FAM13A: variants seen among roughly 807,000 people sequenced by gnomAD.
FAM13A encodes family with sequence similarity 13 member A, also known as protein FAM13A.
FAM13A carries 76 observed loss-of-function variants against 129.6 expected under a neutral mutation model. The observed-to-expected ratio is 0.59, with a 90% CI of 0.49 to 0.71. The LOEUF (loss-of-function observed/expected upper bound fraction) is 0.71, where lower values mean the gene tolerates loss of function less well. Ranked by LOEUF, FAM13A falls within the 30% of genes least tolerant of loss-of-function variation. The probability of loss-of-function intolerance (pLI) is 0.00; values close to 1 mark genes in which losing one functional copy is unlikely to be tolerated. For missense variants in FAM13A, 1,108 were observed against 1,249.3 expected, an observed-to-expected ratio of 0.89 and a Z score of 1.70; for synonymous variants, 443 against 449.9, an observed-to-expected ratio of 0.98 and a Z score of 0.20.
At chr4:88,976,782 C>A (rs930434022) in intron 4 of FAM13A, among the ~76,000 whole-genome samples, 10 of 116,372 alleles carry the variant, frequency 8.6e-5, no homozygotes, top group Non-Finnish European at 1.7e-4. Context: ...GTGCCCTACA[C>A]AGGTGTACAA....
At chr4:88,912,375 T>C (rs1020441066) in intron 5 of FAM13A, among the ~76,000 whole-genome samples, 6 of 152,082 alleles carry the variant, frequency 3.9e-5, no homozygotes, top group Admixed American at 1.3e-4. Flanking sequence ...AACTCCAGGT[T>C]CTGCAGCCTT....
chr4:88,919,223 T>C (rs1358134264), intron 5 of FAM13A, among the ~76,000 whole-genome samples: 1 of 152,214 alleles, frequency 6.6e-6, no homozygotes, highest in Non-Finnish European at 1.5e-5. Flanking sequence ...ATTGAGCAGA[T>C]GTATAAGACA....
Position 89,040,826 on chromosome 4 carries a change from T to G in FAM13A, c.28-11177A>C, listed in dbSNP as rs568707202. ...TTGCCAAAGGAGATTAACATTTGAGTCAGTGGACTGGGAGAGGCAGACCCA... is the reference window on the plus strand; with the variant it reads ...TTGCCAAAGGAGATTAACATTTGAGGCAGTGGACTGGGAGAGGCAGACCCA... On this transcript the variant is annotated intron_variant, in intron 1 of 23. Transcript: ENST00000264344. 1.0e-3 allele frequency among the ~76,000 whole-genome samples: 153 copies of G among 152,202 alleles called. 1 individual carries two copies. The highest frequency in any genetic ancestry group is 1.7e-3 in the Non-Finnish European group (117 of 67,982).
At chr4:89,027,491 C>G (rs1768115011) in intron 2 of FAM13A, among the ~76,000 whole-genome samples, 2 of 149,302 alleles carry the variant, frequency 1.3e-5, no homozygotes, top group African/African-American at 5.0e-5. Context: ...TCCTGGAAAA[C>G]AGAGCAAGAC....
At chr4:88,780,539 G>A (rs1170921031) in intron 11 of FAM13A, among the ~76,000 whole-genome samples, 1 of 152,080 alleles carries the variant, frequency 6.6e-6, no homozygotes, top group African/African-American at 2.4e-5. Flanking sequence ...GATGATGAAT[G>A]TTAATAGTTA....
chr4:89,042,155 C>CA (rs890882813), intron 1 of FAM13A, among the ~76,000 whole-genome samples: 47 of 151,854 alleles, frequency 3.1e-4, no homozygotes, highest in African/African-American at 1.1e-3. Context: ...AACAGGGGAG[C>CA]AATACAGTCT....
intron 12 of FAM13A, 147 bp from the exon 13 acceptor site, chr4:88,767,742 C>G (rs1249643694): frequency 1.4e-6 from 1 of 730,232 alleles, no homozygotes; most frequent in Non-Finnish European, 2.2e-6. Flanking sequence ...AAACACAAAA[C>G]AAAAAATTAA....
intron 5 of FAM13A, among the ~76,000 whole-genome samples, chr4:88,922,940 GA>G (rs1751386457): frequency 6.6e-6 from 1 of 152,160 alleles, no homozygotes; most frequent in Non-Finnish European, 1.5e-5. Flanking sequence ...AAATAAACTA[GA>G]AAATCTAGAA....
chr4:88,968,779 AT>A (rs1454781547), intron 4 of FAM13A, among the ~76,000 whole-genome samples: 6 of 152,052 alleles, frequency 3.9e-5, no homozygotes, highest in South Asian at 4.2e-4. Context: ...CATTGCCTGA[AT>A]TTTTTTTAAA....
At chr4:88,804,666 C>T (rs1486653741) in intron 8 of FAM13A, among the ~76,000 whole-genome samples, 1 of 151,426 alleles carries the variant, frequency 6.6e-6, no homozygotes, top group Non-Finnish European at 1.5e-5. Flanking sequence ...GTCTTGTACC[C>T]ATTTGCCCCC....
At chr4:88,972,328 G>A (rs1299049296) in intron 4 of FAM13A, among the ~76,000 whole-genome samples, 2 of 142,348 alleles carry the variant, frequency 1.4e-5, no homozygotes, top group African/African-American at 2.6e-5. Flanking sequence ...TTGAGACAGA[G>A]TCTTGCTCTG....
chr4:89,041,679 G>A (rs1770154553), intron 1 of FAM13A, among the ~76,000 whole-genome samples: 1 of 152,112 alleles, frequency 6.6e-6, no homozygotes, highest in African/African-American at 2.4e-5. Context: ...TCAGCACTTT[G>A]GGAAGCCGAG....
At chr4:88,857,900 A>C (rs1184482000) in intron 6 of FAM13A, among the ~76,000 whole-genome samples, 1 of 152,220 alleles carries the variant, frequency 6.6e-6, no homozygotes, top group Non-Finnish European at 1.5e-5. Context: ...AAGAAACTAA[A>C]TAATAGCATC....
chr4:88,949,896 T>C (rs1756650849), intron 4 of FAM13A, among the ~76,000 whole-genome samples: 1 of 152,186 alleles, frequency 6.6e-6, no homozygotes, highest in Admixed American at 6.6e-5. Flanking sequence ...CTACAGAACA[T>C]AAAACGTCAT....
At chr4:88,957,850 C>T (rs923214426) in intron 4 of FAM13A, among the ~76,000 whole-genome samples, 2 of 152,210 alleles carry the variant, frequency 1.3e-5, no homozygotes, top group African/African-American at 4.8e-5. Flanking sequence ...GCACTCTGCT[C>T]ATGCTTTAGG....
At chr4:89,018,013 A>AT (rs1005616116) in intron 3 of FAM13A, among the ~76,000 whole-genome samples, 11 of 152,292 alleles carry the variant, frequency 7.2e-5, no homozygotes, top group South Asian at 4.1e-4. Flanking sequence ...AAATAAAATC[A>AT]TTTTTTTCAA....
chr4:88,909,243 A>G (rs921626569), intron 5 of FAM13A, among the ~76,000 whole-genome samples: 2 of 152,196 alleles, frequency 1.3e-5, no homozygotes, highest in Non-Finnish European at 2.9e-5. Context: ...ATAGTCACAT[A>G]ATAGAATATT....
intron 11 of FAM13A, among the ~76,000 whole-genome samples, chr4:88,772,135 A>G (rs1720793860): frequency 2.0e-5 from 3 of 152,184 alleles, no homozygotes; most frequent in Non-Finnish European, 1.5e-5. Context: ...TGCCTCTCTC[A>G]ATATACAAAC....
At chr4:89,046,395 T>C (rs1770865059) in intron 1 of FAM13A, among the ~76,000 whole-genome samples, 1 of 152,162 alleles carries the variant, frequency 6.6e-6, no homozygotes. Context: ...GGCAGTTACA[T>C]GGAGACACGT....
Sources: gnomAD v4.1 joint callset for allele counts (sites outside exome capture counted in the v4.1 genomes callset) on GRCh38, gnomAD v4.1.1 for gene constraint, MANE v1.5 for transcripts, NCBI Gene and HGNC (gene_info 2026-07-23, HGNC 2026-07-21) for gene names.